The following RPL14 variants were observed in gnomAD, a reference collection of about 807,000 sequenced individuals.
The protein encoded by RPL14 is large ribosomal subunit protein eL14.
Under a neutral mutation model 25.3 loss-of-function variants are expected in RPL14, and 4 were observed. The observed-to-expected ratio is 0.16, with a 90% CI of 0.08 to 0.36. RPL14 has a LOEUF of 0.36. Ranked by LOEUF, RPL14 falls within the 10% of genes least tolerant of loss-of-function variation. The pLI, the probability that RPL14 is intolerant of heterozygous loss-of-function variation, is 1.00. For synonymous variants in RPL14, 75 were observed against 89.8 expected (o/e 0.84, Z 0.93); for missense variants, 212 against 261.9 (o/e 0.81, Z 1.31).
rs115130370 is a variant in RPL14 at position 40,462,305 on chromosome 3, G to C, written c.*73G>C. The C allele has an allele frequency of 2.7e-3, 3,820 of 1,440,678 alleles. 114 individuals carry two copies. The African/African-American group carries it at 0.047, about 18-fold the overall frequency. The allele number at this position is 1,440,678 out of a possible 1,614,324, so 89.2% of individuals were successfully genotyped here. On this transcript the variant is annotated 3_prime_UTR_variant, in exon 6 of 6. Transcript: ENST00000396203. ...ATGTATTTAAGCCTTTGGATTTAAA[G>C]CCTGTTGAGGCTGGAGTTAGGAGGC...
In RPL14 at chr3:40,467,732, A is replaced by G. The variant is rs1441099215; in HGVS notation, c.*5500A>G. 6.6e-6 allele frequency: 1 copy of G among 152,118 alleles called. No individual in the cohort carries two copies. Among genetic ancestry groups the G allele is most frequent in the Non-Finnish European group, 1.5e-5 (1 of 68,032 alleles). The allele number at this position is 152,118 out of a possible 1,614,324, so 9.4% of individuals were successfully genotyped here. A position where few individuals can be genotyped will look rare whatever the true frequency, so the allele number is the denominator to read the frequency against. On this transcript the variant is annotated 3_prime_UTR_variant, in exon 6 of 6. Coordinates refer to ENST00000396203, the MANE Select transcript of RPL14 (RefSeq NM_001034996.3). ...TTTTTTATCTTCTGCATAATAATCCACAACATGAATGTTCACGTTTGACCT... is the reference window on the plus strand; with the variant it reads ...TTTTTTATCTTCTGCATAATAATCCGCAACATGAATGTTCACGTTTGACCT...
At position 40,458,750 on chromosome 3, in the gene RPL14, A is replaced by G; in HGVS notation, c.200+14A>G. The G allele has an allele frequency of 2.5e-6, 4 of 1,604,724 alleles. No individual in the cohort carries two copies. The highest frequency in any genetic ancestry group is 3.4e-6 in the Non-Finnish European group (4 of 1,171,526). On this transcript the variant is annotated intron_variant, in intron 3 of 5. Coordinates refer to ENST00000396203, the MANE Select transcript of RPL14 (RefSeq NM_001034996.3). ...GTTTCCGCACAGGTAACTGTCCACT[A>G]ATCACTCCTCCCTCCCATCCCCAGA...
At position 40,463,762 on chromosome 3, in the gene RPL14, CT is replaced by C. The variant is rs911874721; in HGVS notation, c.*1531del. The C allele has an allele frequency of 2.0e-5, 3 of 152,178 alleles. No individual in the cohort carries two copies. Among genetic ancestry groups the C allele is most frequent in the African/African-American group, 7.2e-5 (3 of 41,422 alleles). 9.4% of individuals were successfully genotyped at this position (152,178 alleles called of 1,614,324 possible). ...GCATAAATGAATTTCCTGTATAGAC[CT>C]AGGTCCCATCCCCAAAGTGTCATGT... On this transcript the variant is annotated 3_prime_UTR_variant, in exon 6 of 6. Transcript: ENST00000396203.
rs1465785932 is a variant in RPL14 at position 40,463,917 on chromosome 3, T to TA, written c.*1689dup. The TA allele has an allele frequency of 6.5e-6, 1 of 152,960 alleles. No individual in the cohort carries two copies. Among genetic ancestry groups the TA allele is most frequent in the Non-Finnish European group, 1.5e-5 (1 of 68,820 alleles). 9.5% of individuals were successfully genotyped at this position (152,960 alleles called of 1,614,324 possible). A position where few individuals can be genotyped will look rare whatever the true frequency, so the allele number is the denominator to read the frequency against. On this transcript the variant is annotated 3_prime_UTR_variant, in exon 6 of 6. Coordinates refer to ENST00000396203, the MANE Select transcript of RPL14 (RefSeq NM_001034996.3). ...ACAAGATACAGGTAATTTGGGGCAG[T>TA]AAAAGATCCTGGATAGATTTAAAAA...
In RPL14 at chr3:40,464,475, G is replaced by GT. The variant is rs1559530155; in HGVS notation, c.*2244dup. The GT allele has an allele frequency of 8.8e-6, 4 of 456,054 alleles. No individual in the cohort carries two copies. The highest frequency in any genetic ancestry group is 6.2e-5 in the South Asian group (4 of 64,564). The allele number at this position is 456,054 out of a possible 1,614,324, so 28.3% of individuals were successfully genotyped here. On this transcript the variant is annotated 3_prime_UTR_variant, in exon 6 of 6. Transcript: ENST00000396203. ...ATACCTAAAATAAGAAGAAGGTGGTGTAAGGGGAAGAATGACACGAGATAG... is the reference window on the plus strand; with the variant it reads ...ATACCTAAAATAAGAAGAAGGTGGTGTTAAGGGGAAGAATGACACGAGATAG...
chr3:40,458,102 T>C (rs893645004), intron 2 of RPL14, 111 bp downstream of exon 2: 12 of 878,798 alleles, frequency 1.4e-5, no homozygotes, highest in Non-Finnish European at 2.2e-5. Flanking sequence ...GGTAGTCGCT[T>C]TATTTTACCA....
intron 3 of RPL14, among the ~76,000 whole-genome samples, chr3:40,459,858 C>CGA (rs757780934): frequency 1.1e-5 from 1 of 90,976 alleles, no homozygotes; most frequent in African/African-American, 4.7e-5. Context: ...GACTCCGTTT[C>CGA]AAAAAAAAAA....
rs1418954861 is a variant in RPL14, at chr3:40,457,471, C to T, written c.-1C>T. ...GGCTCCCAGAGGGTCCCGGGAAGCGCATGGTGAGGGTCCCCGGGCCGGCTG... is the reference window on the plus strand; with the variant it reads ...GGCTCCCAGAGGGTCCCGGGAAGCGTATGGTGAGGGTCCCCGGGCCGGCTG... On this transcript the variant is annotated 5_prime_UTR_variant, in exon 1 of 6. Transcript: ENST00000396203. 1 of 1,564,320 alleles carries T rather than the reference C, an allele frequency of 6.4e-7. No homozygotes were observed. Among genetic ancestry groups the T allele is most frequent in the African/African-American group, 1.4e-5 (1 of 72,768 alleles).
rs1408253383 is a variant in RPL14, at chr3:40,457,609, G to A, written c.3+135G>A. Reference sequence around the variant, plus strand: ...CCTTGGGCCACGCGTGCGCGCCTCCGCCGCTGGAGCTGGATGGCTGATGCG... The same window carrying A: ...CCTTGGGCCACGCGTGCGCGCCTCCACCGCTGGAGCTGGATGGCTGATGCG... On this transcript the variant is annotated intron_variant, in intron 1 of 5. Coordinates refer to ENST00000396203, the MANE Select transcript of RPL14 (RefSeq NM_001034996.3). The A allele has an allele frequency of 1.5e-5, 11 of 735,390 alleles. No homozygotes were observed. The East Asian group carries it at 3.0e-4, about 20-fold the overall frequency. 45.6% of individuals were successfully genotyped at this position (735,390 alleles called of 1,614,324 possible). A position where few individuals can be genotyped will look rare whatever the true frequency, so the allele number is the denominator to read the frequency against.
rs373097776 is a variant in RPL14 at position 40,457,945 on chromosome 3, A to T, written c.59A>T (p.His20Leu). Residue 20 changes from histidine to leucine, a missense_variant, in exon 2 of 6, where the codon CAT becomes CTT. Physicochemically the swap from His to Leu is moderately conservative, Grantham distance 99. Transcript: ENST00000396203. ...GTGGCCTATGTCTCCTTTGGACCTC[A>T]TGCCGGAAAATTGGTCGCGATTGTA... is the stretch of plus-strand genomic sequence containing the variant. ...GRVAYVSFGP[H>L]AGKLVAIVDV... 6.2e-7 allele frequency: 1 copy of T among 1,614,086 alleles called. No homozygotes were observed. Among genetic ancestry groups the T allele is most frequent in the African/African-American group, 1.3e-5 (1 of 74,930 alleles).
intron 1 of RPL14, 162 bp from the exon 2 acceptor site, chr3:40,457,728 T>C (rs1253751878): frequency 2.8e-6 from 2 of 709,314 alleles, no homozygotes; most frequent in Non-Finnish European, 4.7e-6. Context: ...CTGAGGCGTT[T>C]GCTGATTTCG....
At position 40,463,528 on chromosome 3, in the gene RPL14, A is replaced by G. The variant is rs1696980788; in HGVS notation, c.*1296A>G. On this transcript the variant is annotated 3_prime_UTR_variant, in exon 6 of 6. Transcript: ENST00000396203. ...GCCTGCAAATTTTCTTATAAAAAGT[A>G]AACTAGGAAAATAGGGCAAGTATAA... The G allele has an allele frequency of 1.3e-5, 2 of 152,170 alleles. No individual in the cohort carries two copies. The highest frequency in any genetic ancestry group is 4.8e-5 in the African/African-American group (2 of 41,440). The allele number at this position is 152,170 out of a possible 1,614,324, so 9.4% of individuals were successfully genotyped here. A position where few individuals can be genotyped will look rare whatever the true frequency, so the allele number is the denominator to read the frequency against.
In RPL14 at chr3:40,462,668, G is replaced by C. The variant is rs756115932; in HGVS notation, c.*436G>C. The C allele has an allele frequency of 6.3e-6, 1 of 157,616 alleles. No individual in the cohort carries two copies. Among genetic ancestry groups the C allele is most frequent in the Non-Finnish European group, 1.4e-5 (1 of 71,568 alleles). The allele number at this position is 157,616 out of a possible 1,614,324, so 9.8% of individuals were successfully genotyped here. A position where few individuals can be genotyped will look rare whatever the true frequency, so the allele number is the denominator to read the frequency against. ...TAGGATTGCAGGCATGAGCCGCCGC[G>C]CCTGGCCTAAATAATCAGTTCTTTA... On this transcript the variant is annotated 3_prime_UTR_variant, in exon 6 of 6. Coordinates refer to ENST00000396203, the MANE Select transcript of RPL14 (RefSeq NM_001034996.3).
chr3:40,458,764 C>A, intron 3 of RPL14, 28 bp downstream of exon 3: 1 of 1,574,370 alleles, frequency 6.4e-7, no homozygotes, highest in Non-Finnish European at 8.7e-7. Context: ...ACTCCTCCCT[C>A]CCATCCCCAG....
rs1696981360 is a variant in RPL14 at position 40,463,554 on chromosome 3, A to T, written c.*1322A>T. 6.6e-6 allele frequency: 1 copy of T among 152,186 alleles called. No individual in the cohort carries two copies. The highest frequency in any genetic ancestry group is 1.5e-5 in the Non-Finnish European group (1 of 68,034). 9.4% of individuals were successfully genotyped at this position (152,186 alleles called of 1,614,324 possible). On this transcript the variant is annotated 3_prime_UTR_variant, in exon 6 of 6. Transcript: ENST00000396203. ...AACTAGGAAAATAGGGCAAGTATAAAAATTGCAGGTTGAGCATATTTCTAA... is the reference window on the plus strand; with the variant it reads ...AACTAGGAAAATAGGGCAAGTATAATAATTGCAGGTTGAGCATATTTCTAA...
chr3:40,467,162 A>G lies in RPL14; in HGVS notation c.*4930A>G, dbSNP rs950614215. Reference sequence around the variant, plus strand: ...TATGTGCTTGTTTTAAGCAAATTTCATACTCTGCAACTTGCCTTTTTTCTT... The same window carrying G: ...TATGTGCTTGTTTTAAGCAAATTTCGTACTCTGCAACTTGCCTTTTTTCTT... On this transcript the variant is annotated 3_prime_UTR_variant, in exon 6 of 6. Transcript: ENST00000396203. The G allele has an allele frequency of 1.3e-5, 2 of 152,188 alleles. No individual in the cohort carries two copies. Among genetic ancestry groups the G allele is most frequent in the African/African-American group, 4.8e-5 (2 of 41,448 alleles). 9.4% of individuals were successfully genotyped at this position (152,188 alleles called of 1,614,324 possible). A position where few individuals can be genotyped will look rare whatever the true frequency, so the allele number is the denominator to read the frequency against.
At position 40,462,544 on chromosome 3, in the gene RPL14, T is replaced by C. The variant is rs1428304338; in HGVS notation, c.*312T>C. On this transcript the variant is annotated 3_prime_UTR_variant, in exon 6 of 6. Transcript: ENST00000396203. ...GGTGCCCGCCACCGCGCCTGGCTAA[T>C]TTTTTGTATTTTTAGTAGAGACGGG... The C allele has an allele frequency of 4.8e-6, 1 of 207,104 alleles. No individual in the cohort carries two copies. Among genetic ancestry groups the C allele is most frequent in the Non-Finnish European group, 9.7e-6 (1 of 103,448 alleles). 12.8% of individuals were successfully genotyped at this position (207,104 alleles called of 1,614,324 possible).
At chr3:40,461,343 A>C in intron 3 of RPL14, 64 bp from the exon 4 acceptor site, 1 of 1,330,206 alleles carries the variant, frequency 7.5e-7, no homozygotes, top group Non-Finnish European at 1.1e-6. Flanking sequence ...GAACAAAGAA[A>C]GTGTCTTTGA....
Position 40,463,254 on chromosome 3 carries a change from T to C in RPL14, c.*1022T>C, listed in dbSNP as rs1696976579. ...AGAGTCTTGATCTTATCACCCAGGC[T>C]GGAGTGCAGTGGCACGATCTTGGCT... On this transcript the variant is annotated 3_prime_UTR_variant, in exon 6 of 6. Coordinates refer to ENST00000396203, the MANE Select transcript of RPL14 (RefSeq NM_001034996.3). 6.6e-6 allele frequency: 1 copy of C among 152,598 alleles called. No homozygotes were observed. The highest frequency in any genetic ancestry group is 2.4e-5 in the African/African-American group (1 of 41,482). 9.5% of individuals were successfully genotyped at this position (152,598 alleles called of 1,614,324 possible). A position where few individuals can be genotyped will look rare whatever the true frequency, so the allele number is the denominator to read the frequency against.
Sources: allele counts gnomAD v4.1 joint callset (sites outside exome capture counted in the v4.1 genomes callset), GRCh38; gene constraint gnomAD v4.1.1; transcripts MANE v1.5; gene names NCBI Gene and HGNC (gene_info 2026-07-23, HGNC 2026-07-21).